Variants in NFIB observed in about 807,000 individuals in gnomAD.
The protein encoded by NFIB is nuclear factor I B.
NFIB carries 11 observed loss-of-function variants against 61.5 expected under a neutral mutation model. The ratio of observed to expected loss-of-function variants is 0.18; its 90% CI spans 0.11 to 0.30. The LOEUF (loss-of-function observed/expected upper bound fraction) is 0.30. Ranked by LOEUF, NFIB falls within the 10% of genes least tolerant of loss-of-function variation. NFIB has a pLI of 1.00. For synonymous variants in NFIB, 260 were observed against 216.5 expected, an observed-to-expected ratio of 1.20 and a Z score of -1.76; for missense variants, 471 against 608.9, an observed-to-expected ratio of 0.77 and a Z score of 2.38.
At position 14,233,649 on chromosome 9, in the gene NFIB, C is replaced by T. The variant is rs193225640; in HGVS notation, c.563-53869G>A. ...TTTGCCATGTTGGCCAGGCTGGTCT[C>T]AAACTCCTGACCTCAGGTGATCCAC... On this transcript the variant is annotated intron_variant, in intron 2 of 10. Coordinates refer to ENST00000380953, the MANE Select transcript of NFIB (RefSeq NM_001190737.2). Among the ~76,000 whole-genome samples the T allele has an allele frequency of 8.1e-3, 1,236 of 152,212 alleles. 16 individuals are homozygous for T. The highest frequency in any genetic ancestry group is 0.028 in the African/African-American group (1,147 of 41,536).
chr9:14,172,610 C>T (rs2045689382), intron 3 of NFIB, among the ~76,000 whole-genome samples: 1 of 152,192 alleles, frequency 6.6e-6, no homozygotes, highest in East Asian at 1.9e-4. Context: ...CTTATAACAA[C>T]ATTTGCTTTC....
chr9:14,344,513 G>A (rs1347452234), intron 1 of NFIB, among the ~76,000 whole-genome samples: 2 of 152,126 alleles, frequency 1.3e-5, no homozygotes, highest in Non-Finnish European at 2.9e-5. Context: ...CTGGGCTGAT[G>A]GAAGAGCTTT....
At chr9:14,517,965 A>C in the NFIB span, among the ~76,000 whole-genome samples, 2 of 152,228 alleles carry the variant, frequency 1.3e-5, no homozygotes, top group Non-Finnish European at 2.9e-5. Flanking sequence ...GCAATACTGC[A>C]GCAACAAAAG....
chr9:14,504,313 C>CT, the NFIB span, among the ~76,000 whole-genome samples: 4 of 151,984 alleles, frequency 2.6e-5, no homozygotes, highest in Non-Finnish European at 5.9e-5. Context: ...TATGCTGGCT[C>CT]TTTTTTTGGT....
the NFIB span, among the ~76,000 whole-genome samples, chr9:14,481,785 G>A: frequency 3.9e-4 from 59 of 152,202 alleles, no homozygotes; most frequent in African/African-American, 1.3e-3. Context: ...GACCTGTAAG[G>A]CCTTGTGATC....
intron 2 of NFIB, among the ~76,000 whole-genome samples, chr9:14,247,356 G>A (rs2055050519): frequency 6.6e-6 from 1 of 152,312 alleles, no homozygotes; most frequent in Non-Finnish European, 1.5e-5. Flanking sequence ...CTAATGGTTG[G>A]AGGCCTTCCA....
At chr9:14,140,057 G>C (rs1563826294) in intron 6 of NFIB, among the ~76,000 whole-genome samples, 1 of 152,096 alleles carries the variant, frequency 6.6e-6, no homozygotes, top group Non-Finnish European at 1.5e-5. Flanking sequence ...TCCACCAAAA[G>C]CATTTGTAGC....
chr9:14,508,226 T>C, the NFIB span, among the ~76,000 whole-genome samples: 1 of 152,050 alleles, frequency 6.6e-6, no homozygotes, highest in Non-Finnish European at 1.5e-5. Context: ...TGTATATGTG[T>C]TTGTGTATGT....
chr9:14,210,918 TACTC>T (rs753627342), intron 2 of NFIB, among the ~76,000 whole-genome samples: 2 of 152,192 alleles, frequency 1.3e-5, no homozygotes, highest in Non-Finnish European at 2.9e-5. Context: ...TCTGGGAAGT[TACTC>T]ACCTTTGATT....
intron 2 of NFIB, among the ~76,000 whole-genome samples, chr9:14,284,995 A>G (rs897832851): frequency 2.6e-5 from 4 of 152,378 alleles, no homozygotes; most frequent in Non-Finnish European, 5.9e-5. Context: ...ATAGAGCAAG[A>G]GAAAACAAAA....
chr9:14,526,592 C>A, the NFIB span, among the ~76,000 whole-genome samples: 2 of 152,260 alleles, frequency 1.3e-5, no homozygotes, highest in African/African-American at 4.8e-5. Context: ...TCCTGCCCTG[C>A]TAAATTTTCC....
intron 2 of NFIB, among the ~76,000 whole-genome samples, chr9:14,182,708 CTGTGTGTGTGTGTGTG>C (rs59897559): frequency 2.3e-4 from 22 of 96,998 alleles, no homozygotes; most frequent in South Asian, 1.1e-3. Context: ...CTCTCTCTCT[CTGTGTGTGTGTGTGTG>C]TGTGTGTGTG....
the NFIB span, among the ~76,000 whole-genome samples, chr9:14,407,946 C>T: frequency 6.6e-6 from 1 of 152,172 alleles, no homozygotes; most frequent in African/African-American, 2.4e-5. Context: ...CCTTGCCTCT[C>T]AAAGCCCGGG....
the NFIB span, among the ~76,000 whole-genome samples, chr9:14,510,421 G>C: frequency 1.3e-5 from 2 of 152,158 alleles, no homozygotes; most frequent in Non-Finnish European, 2.9e-5. Flanking sequence ...TGACACTCTT[G>C]GCTAAAGCAT....
At chr9:14,142,233 G>A (rs1366939305) in intron 6 of NFIB, among the ~76,000 whole-genome samples, 2 of 152,108 alleles carry the variant, frequency 1.3e-5, no homozygotes, top group African/African-American at 2.4e-5. Flanking sequence ...CTGAGTTATG[G>A]GGGCAGATCT....
At chr9:14,331,329 C>G (rs1335636142) in intron 1 of NFIB, among the ~76,000 whole-genome samples, 1 of 152,210 alleles carries the variant, frequency 6.6e-6, no homozygotes, top group Non-Finnish European at 1.5e-5. Flanking sequence ...GCAGCAAGGA[C>G]ATGAAACTAC....
chr9:14,429,465 C>T, the NFIB span, among the ~76,000 whole-genome samples: 1 of 152,202 alleles, frequency 6.6e-6, no homozygotes, highest in Admixed American at 6.5e-5. Context: ...CCCACATTTC[C>T]AGGCCTTGCC....
At chr9:14,095,931 A>G (rs890950417) in intron 10 of NFIB, among the ~76,000 whole-genome samples, 6 of 152,318 alleles carry the variant, frequency 3.9e-5, no homozygotes, top group Admixed American at 3.9e-4. Flanking sequence ...CAATTTCAGA[A>G]TATTCAAAAT....
At chr9:14,263,107 TAAAAG>T (rs745459893) in intron 2 of NFIB, among the ~76,000 whole-genome samples, 138 of 152,206 alleles carry the variant, frequency 9.1e-4, no homozygotes, top group South Asian at 2.5e-3. Context: ...CACTTCCCCC[TAAAAG>T]AAAAGGGCTG....
Sources: allele counts gnomAD v4.1 joint callset (sites outside exome capture counted in the v4.1 genomes callset), GRCh38; gene constraint gnomAD v4.1.1; transcripts MANE v1.5; gene names NCBI Gene and HGNC (gene_info 2026-07-23, HGNC 2026-07-21).